The following CSMD1 variants were observed in gnomAD, a reference collection of about 807,000 sequenced individuals.
CSMD1 encodes the protein CUB and Sushi multiple domains 1.
Under a neutral mutation model 417.5 loss-of-function variants are expected in CSMD1, and 213 were observed. The observed-to-expected ratio is 0.51, with a 90% CI of 0.46 to 0.57. The LOEUF (loss-of-function observed/expected upper bound fraction) is 0.57. Ranked by LOEUF, CSMD1 falls within the 20% of genes least tolerant of loss-of-function variation. The probability of loss-of-function intolerance (pLI) is 0.00; values close to 1 mark genes in which losing one functional copy is unlikely to be tolerated. For missense variants in CSMD1, 6,923 were observed against 4,529.7 expected (o/e 1.53, Z -15.17); for synonymous variants, 2,862 against 1,736.8 (o/e 1.65, Z -16.11).
intron 1 of CSMD1, among the ~76,000 whole-genome samples, chr8:4,690,135 C>G (rs1806674273): frequency 6.6e-6 from 1 of 152,144 alleles, no homozygotes; most frequent in East Asian, 1.9e-4. Context: ...TTGTGAAAGA[C>G]TTATTACAAT....
At chr8:3,252,720 A>C (rs1486529385) in intron 26 of CSMD1, among the ~76,000 whole-genome samples, 1 of 152,182 alleles carries the variant, frequency 6.6e-6, no homozygotes, top group Non-Finnish European at 1.5e-5. Context: ...TAAGCTATTA[A>C]TTATTGCCTC....
chr8:4,450,699 T>C (rs887524898), intron 2 of CSMD1, among the ~76,000 whole-genome samples: 1 of 152,100 alleles, frequency 6.6e-6, no homozygotes, highest in Non-Finnish European at 1.5e-5. Flanking sequence ...GTATAACACA[T>C]CACAGAGTTT....
At chr8:4,468,740 TG>T (rs1464850320) in intron 2 of CSMD1, among the ~76,000 whole-genome samples, 11 of 152,346 alleles carry the variant, frequency 7.2e-5, no homozygotes, top group African/African-American at 2.4e-4. Context: ...GAGCCTACTC[TG>T]GGCTTGCTTC....
chr8:4,434,131 A>G (rs1798019555), intron 2 of CSMD1, among the ~76,000 whole-genome samples: 2 of 152,198 alleles, frequency 1.3e-5, no homozygotes. Context: ...TCAGGTCAGG[A>G]GTTTGAGAAC....
chr8:3,892,563 T>TAATAATAATAATAA (rs1563184144), intron 5 of CSMD1, among the ~76,000 whole-genome samples: 22 of 150,856 alleles, frequency 1.5e-4, no homozygotes, highest in African/African-American at 5.1e-4. Context: ...AATAATAAGA[T>TAATAATAATAATAA]TACTCTAAGT....
At chr8:4,876,148 G>T (rs1229460572) in intron 1 of CSMD1, among the ~76,000 whole-genome samples, 1 of 152,046 alleles carries the variant, frequency 6.6e-6, no homozygotes, top group African/African-American at 2.4e-5. Flanking sequence ...GAATACAAAT[G>T]ACTGCTTAGT....
Position 3,312,784 on chromosome 8 carries a change from C to T in CSMD1, c.3632-4281G>A, listed in dbSNP as rs28582403. Among the ~76,000 whole-genome samples, 876 of 144,064 alleles carry T rather than the reference C, an allele frequency of 6.1e-3. 6 individuals are homozygous for T. Among genetic ancestry groups the T allele is most frequent in the African/African-American group, 0.022 (836 of 38,024 alleles). The allele number at this position is 144,064 out of a possible 152,430, so 94.5% of individuals were successfully genotyped here. ...TGCCCTTAGAGCCATAGCATGTCAG[C>T]ATCTCTCAGGTTCTCAAAGGCAGTT... On this transcript the variant is annotated intron_variant, in intron 23 of 69. Transcript: ENST00000635120.
intron 5 of CSMD1, among the ~76,000 whole-genome samples, chr8:3,968,727 A>C (rs1239005760): frequency 2.0e-5 from 3 of 152,198 alleles, no homozygotes; most frequent in Non-Finnish European, 2.9e-5. Flanking sequence ...TCTAATGTGT[A>C]AATAGCATTT....
chr8:4,150,290 A>G (rs185299676), intron 3 of CSMD1, among the ~76,000 whole-genome samples: 12 of 152,242 alleles, frequency 7.9e-5, no homozygotes, highest in African/African-American at 2.6e-4. Flanking sequence ...GAAGTCTCCA[A>G]GCTTCCTCAG....
At chr8:4,133,485 G>C (rs960893522) in intron 3 of CSMD1, among the ~76,000 whole-genome samples, 3 of 152,212 alleles carry the variant, frequency 2.0e-5, no homozygotes, top group East Asian at 1.9e-4. Context: ...AGCTAGTATA[G>C]AAGAAAAGCC....
chr8:3,497,186 T>G (rs983914384), intron 10 of CSMD1, among the ~76,000 whole-genome samples: 2 of 152,170 alleles, frequency 1.3e-5, no homozygotes, highest in Non-Finnish European at 2.9e-5. Context: ...AGTTTAAGTT[T>G]AACACTTCTT....
chr8:3,076,576 G>A (rs992090157), intron 49 of CSMD1, among the ~76,000 whole-genome samples: 11 of 152,164 alleles, frequency 7.2e-5, no homozygotes, highest in South Asian at 2.1e-4. Flanking sequence ...GAGATGCTCC[G>A]ATTGCTGGAA....
At chr8:4,784,555 T>G (rs1246652580) in intron 1 of CSMD1, among the ~76,000 whole-genome samples, 2 of 152,260 alleles carry the variant, frequency 1.3e-5, no homozygotes, top group Non-Finnish European at 2.9e-5. Flanking sequence ...TTTAGTTTTT[T>G]CTACCTGACA....
chr8:3,773,063 G>T (rs1367674210), intron 5 of CSMD1, among the ~76,000 whole-genome samples: 1 of 152,108 alleles, frequency 6.6e-6, no homozygotes. Context: ...GGAGCTCTCT[G>T]GGGCCTCTTC....
intron 1 of CSMD1, among the ~76,000 whole-genome samples, chr8:4,946,973 G>A (rs1281453476): frequency 6.6e-6 from 1 of 152,076 alleles, no homozygotes; most frequent in Non-Finnish European, 1.5e-5. Flanking sequence ...TTATTTTGAG[G>A]AGTCAGTAAT....
chr8:4,690,349 C>T (rs758388495), intron 1 of CSMD1, among the ~76,000 whole-genome samples: 55 of 152,170 alleles, frequency 3.6e-4, no homozygotes, highest in Non-Finnish European at 6.8e-4. Context: ...AGCTACTTCC[C>T]TTCACCTATA....
intron 1 of CSMD1, among the ~76,000 whole-genome samples, chr8:4,815,673 G>A (rs1177490384): frequency 3.1e-5 from 4 of 128,518 alleles, no homozygotes; most frequent in Admixed American, 8.8e-5. Flanking sequence ...TCCAGCCTGG[G>A]CAACAAGACC....
chr8:3,914,796 G>T (rs992627317), intron 5 of CSMD1, among the ~76,000 whole-genome samples: 1 of 151,756 alleles, frequency 6.6e-6, no homozygotes, highest in Non-Finnish European at 1.5e-5. Flanking sequence ...CCTCAACAAA[G>T]ATTTATTGAC....
At chr8:3,309,130 G>A (rs972049257) in intron 23 of CSMD1, among the ~76,000 whole-genome samples, 1 of 151,222 alleles carries the variant, frequency 6.6e-6, no homozygotes, top group Non-Finnish European at 1.5e-5. Flanking sequence ...AGGACCTCTA[G>A]GAACGGGATA....
Sources: allele counts gnomAD v4.1 joint callset (sites outside exome capture counted in the v4.1 genomes callset), GRCh38; gene constraint gnomAD v4.1.1; transcripts MANE v1.5; gene names NCBI Gene and HGNC (gene_info 2026-07-23, HGNC 2026-07-21).